Variants in IL20RA observed in about 807,000 individuals in gnomAD.
IL20RA encodes interleukin 20 receptor subunit alpha.
A neutral mutation model predicts 36.5 loss-of-function variants in IL20RA; 29 were observed. The ratio of observed to expected loss-of-function variants is 0.79; its 90% confidence interval spans 0.59 to 1.08. The LOEUF is 1.08. IL20RA is among the 50% of genes least tolerant of loss of function. The pLI, the probability that IL20RA is intolerant of heterozygous loss-of-function variation, is 0.00. For missense variants in IL20RA, 652 were observed against 668.4 expected, an observed-to-expected ratio of 0.98 and a Z score of 0.27; for synonymous variants, 279 against 267.1, an observed-to-expected ratio of 1.04 and a Z score of -0.43.
chr6:137,017,061 G>A lies in IL20RA; in HGVS notation c.131C>T (p.Thr44Ile), dbSNP rs764221099. 44 of 1,613,522 alleles carry A rather than the reference G, an allele frequency of 2.7e-5. No homozygotes were observed. The highest frequency in any genetic ancestry group is 3.3e-4 in the Middle Eastern group (2 of 6,062). The part of the protein sequence containing the change: ...SGGLPKPANI[T>I]FLSINMKNVL... Reference sequence around the variant, plus strand: ...ATTCTTCATGTTGATGGATAAGAAGGTGATGTTTGCAGGTTTAGGCAAACC... The same window carrying A: ...ATTCTTCATGTTGATGGATAAGAAGATGATGTTTGCAGGTTTAGGCAAACC... Residue 44 changes from threonine (T) to isoleucine (I), a missense_variant, in exon 2 of 7, where the codon ACC becomes ATC. Physicochemically the swap from Thr to Ile is moderately conservative, Grantham distance 89 (BLOSUM62 -1). Transcript: ENST00000316649.
intron 6 of IL20RA, among the ~76,000 whole-genome samples, chr6:137,004,173 T>TGTTTTTTTTTTTTTG (rs1372695998): frequency 1.5e-5 from 2 of 133,518 alleles, no homozygotes; most frequent in Admixed American, 7.6e-5. Flanking sequence ...TTTTTTTTTT[T>TGTTTTTTTTTTTTTG]TTTTTTTTTT....
chr6:137,001,690 A>G lies in IL20RA; in HGVS notation c.1530T>C (p.Asp510=), dbSNP rs148959606. The change falls in exon 7 of 7, where the codon GAT becomes GAC. Residue 510 remains aspartate (D), a synonymous_variant. Coordinates refer to ENST00000316649, the MANE Select transcript of IL20RA (RefSeq NM_014432.4). The stretch of plus-strand genomic sequence containing the variant: ...ATAGAAGACCCTCCTCTCCGAGCCC[A>G]TCCCCCTCAGAAGGCTCGCAGCCCT... ...DSEGCEPSEG[D]GLGEEGLLSR... The G allele has an allele frequency of 2.4e-3, 3,908 of 1,614,098 alleles. 15 individuals carry two copies. Among genetic ancestry groups the G allele is most frequent in the Non-Finnish European group, 2.7e-3 (3,235 of 1,179,986 alleles).
chr6:137,011,179 AC>A, intron 3 of IL20RA, 94 bp downstream of exon 3: 1 of 1,007,468 alleles, frequency 9.9e-7, no homozygotes, highest in Non-Finnish European at 1.5e-6. Context: ...CAAGCAGAGT[AC>A]CTTCCTCTGG....
chr6:137,025,513 T>C (rs1776055024), intron 1 of IL20RA, among the ~76,000 whole-genome samples: 1 of 152,262 alleles, frequency 6.6e-6, no homozygotes, highest in East Asian at 1.9e-4. Context: ...CTAATGCATT[T>C]GGTCTTTGGG....
At chr6:137,003,125 T>C (rs1775142818) in intron 6 of IL20RA, among the ~76,000 whole-genome samples, 1 of 152,182 alleles carries the variant, frequency 6.6e-6, no homozygotes, top group African/African-American at 2.4e-5. Flanking sequence ...GCCTCAATCT[T>C]TTACAACATT....
chr6:137,026,836 C>T (rs753216453), intron 1 of IL20RA, among the ~76,000 whole-genome samples: 11 of 152,020 alleles, frequency 7.2e-5, no homozygotes, highest in Non-Finnish European at 1.6e-4. Flanking sequence ...ATTAATTGAT[C>T]TCCCTTCTTC....
chr6:137,023,795 G>A (rs1183220749), intron 1 of IL20RA, among the ~76,000 whole-genome samples: 4 of 152,160 alleles, frequency 2.6e-5, no homozygotes, highest in Admixed American at 2.6e-4. Context: ...GCAAAGGAGT[G>A]ATAAAAAATA....
At chr6:137,042,428 T>C (rs1776728962) in intron 1 of IL20RA, among the ~76,000 whole-genome samples, 1 of 152,226 alleles carries the variant, frequency 6.6e-6, no homozygotes, top group Admixed American at 6.5e-5. Context: ...TGCCTGTTTA[T>C]ATTATGCTAA....
rs1279461948 is a variant in IL20RA, at chr6:137,002,144, T to C, written c.1076A>G (p.His359Arg). 4 of 1,614,048 alleles carry C rather than the reference T, an allele frequency of 2.5e-6. No homozygotes were observed. Among genetic ancestry groups the C allele is most frequent in the Non-Finnish European group, 3.4e-6 (4 of 1,180,026 alleles). Reference sequence around the variant, plus strand: ...CATCAAATGCGAAGCATACCCTAAATGTTTCACCTCCTCTTCCTCCTGAGG... The same window carrying C: ...CATCAAATGCGAAGCATACCCTAAACGTTTCACCTCCTCTTCCTCCTGAGG... ...RPPQEEEEVK[H>R]LGYASHLMEI... Residue 359 changes from histidine to arginine, a missense_variant, in exon 7 of 7, where the codon CAT becomes CGT. Transcript: ENST00000316649.
At chr6:137,004,555 CCTCCT>C (rs1775205918) in intron 6 of IL20RA, 61 bp downstream of exon 6, 1 of 1,418,582 alleles carries the variant, frequency 7.0e-7, no homozygotes, top group Admixed American at 1.9e-5. Context: ...TGTTCTAGAA[CCTCCT>C]CTTCTGTCCT....
chr6:137,002,301 T>C lies in IL20RA; in HGVS notation c.919A>G (p.Ile307Val), dbSNP rs766838921. 14 of 1,608,528 alleles carry C rather than the reference T, an allele frequency of 8.7e-6. No homozygotes were observed. Among genetic ancestry groups the C allele is most frequent in the African/African-American group, 2.7e-5 (2 of 74,628 alleles). ...DKRFFVPAEK[I>V]VINFITLNIS... ...TTGAGGGTGATAAAGTTAATCACGA[T>C]TTTTTCAGCAGGCACAAAGAATCTT... Residue 307 changes from isoleucine to valine, a missense_variant, in exon 7 of 7, where the codon ATC becomes GTC. By Grantham distance (29) the Ile-to-Val change is conservative (BLOSUM62 3). Coordinates refer to ENST00000316649, the MANE Select transcript of IL20RA (RefSeq NM_014432.4).
intron 1 of IL20RA, among the ~76,000 whole-genome samples, chr6:137,041,427 A>G (rs1776688592): frequency 6.6e-6 from 1 of 152,250 alleles, no homozygotes; most frequent in African/African-American, 2.4e-5. Context: ...TGAGAGGGAT[A>G]TGGGAATTCT....
intron 2 of IL20RA, among the ~76,000 whole-genome samples, chr6:137,015,868 G>A (rs917296079): frequency 3.3e-5 from 5 of 152,116 alleles, no homozygotes; most frequent in African/African-American, 1.2e-4. Context: ...TGTTGCACAG[G>A]TTGGTTTTGA....
chr6:137,029,905 C>T (rs1776211989), intron 1 of IL20RA, among the ~76,000 whole-genome samples: 1 of 144,410 alleles, frequency 6.9e-6, no homozygotes, highest in Non-Finnish European at 1.5e-5. Flanking sequence ...GGAAAGTCAA[C>T]AAGATAAAAG....
At chr6:137,040,905 ATC>A (rs1368404219) in intron 1 of IL20RA, among the ~76,000 whole-genome samples, 3 of 152,206 alleles carry the variant, frequency 2.0e-5, no homozygotes, top group African/African-American at 7.2e-5. Flanking sequence ...ATCTCAAAGT[ATC>A]TCTCTGCAAA....
chr6:137,013,485 G>A (rs1042521073), intron 2 of IL20RA, among the ~76,000 whole-genome samples: 1 of 152,106 alleles, frequency 6.6e-6, no homozygotes, highest in African/African-American at 2.4e-5. Flanking sequence ...ACAACCCTAG[G>A]GGGTAGGTAC....
chr6:137,006,014 CTGAT>C (rs1392032508), intron 5 of IL20RA, among the ~76,000 whole-genome samples: 1 of 152,192 alleles, frequency 6.6e-6, no homozygotes, highest in Non-Finnish European at 1.5e-5. Context: ...AGAATCCTGA[CTGAT>C]ACAGCTGTAG....
chr6:137,040,576 G>A (rs566080703), intron 1 of IL20RA, among the ~76,000 whole-genome samples: 37 of 152,298 alleles, frequency 2.4e-4, no homozygotes, highest in Middle Eastern at 6.8e-3. Flanking sequence ...AGGGACACAG[G>A]AGCCAAACTG....
At chr6:137,030,552 C>T (rs750726404) in intron 1 of IL20RA, among the ~76,000 whole-genome samples, 1 of 152,152 alleles carries the variant, frequency 6.6e-6, no homozygotes, top group African/African-American at 2.4e-5. Flanking sequence ...GACCACATGT[C>T]CCCATCATCA....
Sources: gnomAD v4.1 joint callset for allele counts (sites outside exome capture counted in the v4.1 genomes callset) on GRCh38, gnomAD v4.1.1 for gene constraint, MANE v1.5 for transcripts, NCBI Gene and HGNC (gene_info 2026-07-23, HGNC 2026-07-21) for gene names.